The following PDIA4 variants were observed in gnomAD, a reference collection of about 807,000 sequenced individuals.
PDIA4 encodes the protein protein disulfide isomerase family A member 4.
In PDIA4, 33 loss-of-function variants were observed where a neutral mutation model predicts 62.1. That is an observed-to-expected ratio of 0.53 (90% CI 0.40 to 0.71). The LOEUF (loss-of-function observed/expected upper bound fraction) is 0.71. Among genes scored for constraint, PDIA4 ranks in the 30% least tolerant of loss-of-function variants. The pLI is 0.00. For synonymous variants in PDIA4, 341 were observed against 324.1 expected (o/e 1.05, Z -0.56); for missense variants, 804 against 813.6 (o/e 0.99, Z 0.14).
Position 149,004,217 on chromosome 7 carries a change from G to A in PDIA4, c.1523-8C>T. On this transcript the variant is annotated splice_region_variant and splice_polypyrimidine_tract_variant and intron_variant, in intron 9 of 9. Coordinates refer to ENST00000652332, the MANE Select transcript of PDIA4 (RefSeq NM_004911.5). ...TGACTGGCTTCAGTTTTCCTGCCAA[G>A]GAAAGCAAGGCGGGAGGGGGCGTCA... 1.9e-6 allele frequency: 3 copies of A among 1,608,458 alleles called. No homozygotes were observed. Among genetic ancestry groups the A allele is most frequent in the Non-Finnish European group, 2.6e-6 (3 of 1,176,428 alleles).
intron 6 of PDIA4, among the ~76,000 whole-genome samples, 178 bp downstream of exon 6, chr7:149,011,668 C>A (rs886292365): frequency 6.6e-6 from 1 of 152,222 alleles, no homozygotes; most frequent in Non-Finnish European, 1.5e-5. Context: ...AGGAGGGCCA[C>A]AGGGGACCCA....
intron 1 of PDIA4, chr7:149,028,011 G>A (rs1824618837): frequency 1.7e-6 from 1 of 583,590 alleles, no homozygotes; most frequent in African/African-American, 1.9e-5. Context: ...TAAGGCGAAG[G>A]ACCCAGCTGC....
chr7:149,011,815 A>G (rs766921558), intron 6 of PDIA4, 31 bp downstream of exon 6: 2 of 1,508,880 alleles, frequency 1.3e-6, no homozygotes, highest in Non-Finnish European at 8.9e-7. Context: ...AGGCACGCAC[A>G]TTTTGTTCAG....
chr7:149,010,728 A>G (rs930749108), intron 6 of PDIA4, among the ~76,000 whole-genome samples: 2 of 152,164 alleles, frequency 1.3e-5, no homozygotes, highest in African/African-American at 4.8e-5. Context: ...CCTCTCTCAT[A>G]AGCAGGCCCA....
rs138875958 is a variant in PDIA4, at chr7:149,016,944, C to T, written c.476-1902G>A. On this transcript the variant is annotated intron_variant, in intron 3 of 9. Coordinates refer to ENST00000652332, the MANE Select transcript of PDIA4 (RefSeq NM_004911.5). ...AACAAACTGTGACACTAAATATCAACGGAAGCAAATCCATTCTCTTTGTAT... is the reference window on the plus strand; with the variant it reads ...AACAAACTGTGACACTAAATATCAATGGAAGCAAATCCATTCTCTTTGTAT... 2.3e-3 allele frequency among the ~76,000 whole-genome samples: 346 copies of T among 152,270 alleles called. 3 individuals carry two copies. The highest frequency in any genetic ancestry group is 7.7e-3 in the African/African-American group (321 of 41,556).
chr7:149,005,132 C>T lies in PDIA4; in HGVS notation c.1522+9G>A, dbSNP rs369114553. 3.2e-4 allele frequency: 505 copies of T among 1,601,858 alleles called. No individual in the cohort carries two copies. Among genetic ancestry groups the T allele is most frequent in the Admixed American group, 3.8e-4 (23 of 60,010 alleles). On this transcript the variant is annotated intron_variant, in intron 9 of 9. Transcript: ENST00000652332. ...TGATGGGAGACCCCAGCCCCAGCCA[C>T]GGGCTCACCTTTTTTGAAAGCAGTG...
rs1396644815 is a variant in PDIA4, at chr7:149,004,062, T to C, written c.1670A>G (p.His557Arg). Residue 557 changes from histidine to arginine, a missense_variant, in exon 10 of 10, where the codon CAC becomes CGC. Transcript: ENST00000652332. ...GTACACGGGCTCTAGCTGCTTGCAG[T>C]GCCCGCACCATGGCGCGTAGAACTC... is the stretch of plus-strand genomic sequence containing the variant. The part of the protein sequence containing the change: ...LIEFYAPWCG[H>R]CKQLEPVYNS... 3 of 1,614,072 alleles carry C rather than the reference T, an allele frequency of 1.9e-6. No homozygotes were observed. Among genetic ancestry groups the C allele is most frequent in the Non-Finnish European group, 8.5e-7 (1 of 1,180,042 alleles).
intron 3 of PDIA4, among the ~76,000 whole-genome samples, chr7:149,015,937 T>C (rs59122757): frequency 0.019 from 2,859 of 152,302 alleles, 92 homozygotes; most frequent in African/African-American, 0.063. Context: ...GCCAAGTCTC[T>C]TGCAGTCAAA....
intron 3 of PDIA4, among the ~76,000 whole-genome samples, chr7:149,016,625 T>C (rs1194010417): frequency 1.3e-5 from 2 of 151,964 alleles, no homozygotes; most frequent in African/African-American, 2.4e-5. Context: ...TTCACGCCAT[T>C]CTCCTGCCTC....
chr7:149,024,214 C>A (rs1824456914), intron 1 of PDIA4, among the ~76,000 whole-genome samples: 1 of 151,844 alleles, frequency 6.6e-6, no homozygotes, highest in African/African-American at 2.4e-5. Context: ...ACCATTGCAC[C>A]CCAGCCTGCG....
chr7:149,011,755 A>AT, intron 6 of PDIA4, 91 bp downstream of exon 6: 1 of 1,078,522 alleles, frequency 9.3e-7, no homozygotes, highest in Admixed American at 2.5e-5. Context: ...CCACCCCCTA[A>AT]TGGATGTCCC....
rs376771722 is a variant in PDIA4, at chr7:149,006,008, C to T, written c.1177G>A (p.Ala393Thr). ...SAIKDFVLKY[A>T]LPLVGHRKVS... ...TTGCGGTGGCCAACCAGGGGCAGGG[C>T]GTACTTCAGCACGAAGTCCTTGATG... The change falls in exon 8 of 10, where the codon GCC becomes ACC. Residue 393 changes from alanine to threonine, a missense_variant. Coordinates refer to ENST00000652332, the MANE Select transcript of PDIA4 (RefSeq NM_004911.5). The T allele has an allele frequency of 3.6e-5, 56 of 1,554,846 alleles. No individual in the cohort carries two copies. Among genetic ancestry groups the T allele is most frequent in the Middle Eastern group, 1.7e-4 (1 of 5,892 alleles).
In PDIA4 at chr7:149,003,918, A is replaced by G; in HGVS notation, c.1814T>C (p.Phe605Ser). 6.2e-7 allele frequency: 1 copy of G among 1,613,684 alleles called. No individual in the cohort carries two copies. The highest frequency in any genetic ancestry group is 8.5e-7 in the Non-Finnish European group (1 of 1,179,834). Residue 605 changes from phenylalanine (F) to serine (S), a missense_variant, in exon 10 of 10, where the codon TTC becomes TCC. Transcript: ENST00000652332. ...YKVEGFPTIYFAPSGDKKNPV... is the reference protein window; with the variant it reads ...YKVEGFPTIYSAPSGDKKNPV... The stretch of plus-strand genomic sequence containing the variant: ...GTTCTTTTTGTCCCCACTGGGGGCG[A>G]AGTAGATGGTGGGGAAGCCCTCCAC...
rs539582353 is a variant in PDIA4 at position 149,026,458 on chromosome 7, G to A, written c.88+1863C>T. Among the ~76,000 whole-genome samples, 39 of 152,256 alleles carry A rather than the reference G, an allele frequency of 2.6e-4. No homozygotes were observed. The South Asian group carries it at 7.2e-3, about 28-fold the overall frequency. On this transcript the variant is annotated intron_variant, in intron 1 of 9. Transcript: ENST00000652332. ...GGGGTCAGGAGATCGAGACCATCCCGGTTAACACGGTGAAACCCCGTCTCT... is the reference window on the plus strand; with the variant it reads ...GGGGTCAGGAGATCGAGACCATCCCAGTTAACACGGTGAAACCCCGTCTCT...
chr7:149,019,219 G>A (rs914296194), intron 2 of PDIA4, 22 bp from the exon 3 acceptor site: 14 of 1,533,688 alleles, frequency 9.1e-6, no homozygotes, highest in Non-Finnish European at 1.1e-5. Context: ...ATTAGGAAGG[G>A]CAAAAAACGT....
At chr7:149,016,780 G>A (rs1335757826) in intron 3 of PDIA4, among the ~76,000 whole-genome samples, 3 of 152,020 alleles carry the variant, frequency 2.0e-5, no homozygotes, top group Non-Finnish European at 2.9e-5. Context: ...CAAAGTGCTG[G>A]GATTACAGGC....
chr7:149,019,382 T>A lies in PDIA4; in HGVS notation c.270-185A>T, dbSNP rs78714364. 6.3e-3 allele frequency among the ~76,000 whole-genome samples: 966 copies of A among 152,224 alleles called. 6 individuals are homozygous for A. The highest frequency in any genetic ancestry group is 0.022 in the African/African-American group (929 of 41,562). On this transcript the variant is annotated intron_variant, in intron 2 of 9. Coordinates refer to ENST00000652332, the MANE Select transcript of PDIA4 (RefSeq NM_004911.5). ...GAAGGGTTTAGGTCTTAAGGGTGGATCCCTCATGAATAGGCAAATGCACTT... is the reference window on the plus strand; with the variant it reads ...GAAGGGTTTAGGTCTTAAGGGTGGAACCCTCATGAATAGGCAAATGCACTT...
intron 3 of PDIA4, among the ~76,000 whole-genome samples, chr7:149,017,675 AAAT>A (rs1289720949): frequency 6.6e-6 from 1 of 150,596 alleles, no homozygotes; most frequent in Non-Finnish European, 1.5e-5. Flanking sequence ...CATTTTATCA[AAAT>A]AAAATACATT....
rs140382451 is a variant in PDIA4, at chr7:149,019,474, C to G, written c.270-277G>C. On this transcript the variant is annotated intron_variant, in intron 2 of 9. Coordinates refer to ENST00000652332, the MANE Select transcript of PDIA4 (RefSeq NM_004911.5). ...GTGGCTCACACCTGTAATCCCAGCA[C>G]TTTGGCAGGCTGAGGCAGGTGTATC... 2.7e-3 allele frequency among the ~76,000 whole-genome samples: 416 copies of G among 152,256 alleles called. 2 individuals carry two copies. The highest frequency in any genetic ancestry group is 9.6e-3 in the African/African-American group (398 of 41,542).
Sources: gnomAD v4.1 joint callset for allele counts (sites outside exome capture counted in the v4.1 genomes callset) on GRCh38, gnomAD v4.1.1 for gene constraint, MANE v1.5 for transcripts, NCBI Gene and HGNC (gene_info 2026-07-23, HGNC 2026-07-21) for gene names.